The following PLEKHA6 variants were observed in gnomAD, a reference collection of about 807,000 sequenced individuals.
PLEKHA6 encodes pleckstrin homology domain-containing family A member 6.
Under a neutral mutation model 116.7 loss-of-function variants are expected in PLEKHA6, and 60 were observed. That is an observed-to-expected ratio of 0.51 (90% CI 0.42 to 0.64). The LOEUF is 0.64. PLEKHA6 is among the 30% of genes least tolerant of loss of function. The probability of loss-of-function intolerance (pLI) is 0.00; values close to 1 mark genes in which losing one functional copy is unlikely to be tolerated. For synonymous variants in PLEKHA6, 489 were observed against 556.1 expected (o/e 0.88, Z 1.70); for missense variants, 1,338 against 1,422.7 (o/e 0.94, Z 0.96).
intron 14 of PLEKHA6, 24 bp downstream of exon 14, chr1:204,245,591 G>A (rs1358897610): frequency 1.4e-6 from 2 of 1,413,398 alleles, no homozygotes; most frequent in African/African-American, 1.4e-5. Flanking sequence ...GGCAGCCTAG[G>A]AGGCTGGCAC....
Position 204,228,874 on chromosome 1 carries a change from T to G in PLEKHA6, c.2752-13A>C, listed in dbSNP as rs750783583. The G allele has an allele frequency of 4.3e-6, 7 of 1,614,050 alleles. No individual in the cohort carries two copies. The East Asian group carries it at 6.7e-5, about 15-fold the overall frequency. On this transcript the variant is annotated splice_polypyrimidine_tract_variant and intron_variant, in intron 19 of 22. Transcript: ENST00000272203. The surrounding 1 kb of genome is among the most constrained non-coding windows in gnomAD (Gnocchi z 4.0). ...CTGGAGTGGAGAGCTATGGAGGGGC[T>G]GGGGTCACCACCTCTGTCCCTTCCC...
chr1:204,376,491 A>C (rs1283391262), intron 1 of PLEKHA6, among the ~76,000 whole-genome samples: 1 of 152,254 alleles, frequency 6.6e-6, no homozygotes, highest in Non-Finnish European at 1.5e-5. Flanking sequence ...TTACAACATC[A>C]ATTATGATCA....
At chr1:204,355,594 C>A (rs562687877) in intron 1 of PLEKHA6, among the ~76,000 whole-genome samples, 1 of 152,214 alleles carries the variant, frequency 6.6e-6, no homozygotes, top group South Asian at 2.1e-4. Flanking sequence ...AAGCCAGCAC[C>A]ACACTTAGCT....
chr1:204,314,108 C>A (rs1042041631), intron 1 of PLEKHA6, among the ~76,000 whole-genome samples: 1 of 152,156 alleles, frequency 6.6e-6, no homozygotes, highest in Non-Finnish European at 1.5e-5. Context: ...TGTCCTCTTA[C>A]CTGTCTTCCT....
At chr1:204,251,744 C>A (rs780880778) in intron 9 of PLEKHA6, 1 of 605,962 alleles carries the variant, frequency 1.7e-6, no homozygotes, top group African/African-American at 1.8e-5. Context: ...GCCCTCACTC[C>A]TTGCTCACCC....
intron 3 of PLEKHA6, among the ~76,000 whole-genome samples, chr1:204,366,796 T>C (rs1572235240): frequency 2.6e-5 from 4 of 152,152 alleles, no homozygotes; most frequent in Admixed American, 2.0e-4. Flanking sequence ...GCTAAGCTGA[T>C]GTAGGTGGTA....
intron 1 of PLEKHA6, among the ~76,000 whole-genome samples, chr1:204,350,497 C>G (rs554687196): frequency 5.3e-5 from 8 of 152,152 alleles, no homozygotes; most frequent in Admixed American, 5.2e-4. Flanking sequence ...GGGCTGGGCT[C>G]AGAGCAGGGT....
chr1:204,354,657 T>C (rs1673368056), intron 1 of PLEKHA6, among the ~76,000 whole-genome samples: 1 of 152,190 alleles, frequency 6.6e-6, no homozygotes, highest in Admixed American at 6.5e-5. Context: ...CCACAAATCA[T>C]ATGGCTACTA....
At chr1:204,327,995 C>CT (rs751729233) in intron 1 of PLEKHA6, among the ~76,000 whole-genome samples, 5 of 152,102 alleles carry the variant, frequency 3.3e-5, no homozygotes, top group Admixed American at 3.3e-4. Context: ...GCCCTGGCTG[C>CT]TTTCTGATGA....
chr1:204,241,744 A>C lies in PLEKHA6; in HGVS notation c.2243T>G (p.Ile748Ser). The C allele has an allele frequency of 6.2e-7, 1 of 1,613,456 alleles. No homozygotes were observed. Among genetic ancestry groups the C allele is most frequent in the Non-Finnish European group, 8.5e-7 (1 of 1,179,788 alleles). Reference protein sequence around the residue: ...QTLPLDTPRDISLVPTRQEVE... With the variant: ...QTLPLDTPRDSSLVPTRQEVE... ...CTCTTGCCTGGTGGGCACAAGGCTG[A>C]TGTCTCTGGGGGTGTCCAGGGGCAA... The change falls in exon 16 of 23, where the codon ATC becomes AGC. Residue 748 changes from isoleucine (I) to serine (S), a missense_variant. Ile to Ser is a moderately radical substitution (Grantham distance 142, BLOSUM62 -2). Coordinates refer to ENST00000272203, the MANE Select transcript of PLEKHA6 (RefSeq NM_014935.5).
At chr1:204,296,664 G>A (rs1298534426) in intron 1 of PLEKHA6, among the ~76,000 whole-genome samples, 5 of 152,202 alleles carry the variant, frequency 3.3e-5, no homozygotes, top group Admixed American at 6.5e-5. Context: ...GACGTGCTCT[G>A]TGTTACAGAA....
At chr1:204,270,518 C>A (rs892437781) in intron 3 of PLEKHA6, among the ~76,000 whole-genome samples, 1 of 152,160 alleles carries the variant, frequency 6.6e-6, no homozygotes, top group African/African-American at 2.4e-5. Flanking sequence ...CCACCCACCC[C>A]AGAACTCCAC....
At chr1:204,273,837 G>T (rs1452280916) in intron 2 of PLEKHA6, 97 bp from the exon 3 acceptor site, 3 of 810,294 alleles carry the variant, frequency 3.7e-6, no homozygotes, top group East Asian at 5.3e-5. Flanking sequence ...CACTGTTTCA[G>T]CATCAGCACA....
At position 204,359,646 on chromosome 1, in the gene PLEKHA6, GC is replaced by G. The variant is rs533085456; in HGVS notation, c.-95+47del. The G allele has an allele frequency of 4.8e-5, 47 of 985,198 alleles. 2 individuals are homozygous for G. In the South Asian group the frequency reaches 1.8e-3, roughly 37 times the overall value. 61.0% of individuals were successfully genotyped at this position (985,198 alleles called of 1,614,324 possible). A position where few individuals can be genotyped will look rare whatever the true frequency, so the allele number is the denominator to read the frequency against. On this transcript the variant is annotated intron_variant, in intron 1 of 22. Coordinates refer to ENST00000272203, the MANE Select transcript of PLEKHA6 (RefSeq NM_014935.5). ...AGCTGCCAGCCCTGACCAGAGCCCA[GC>G]CTTCCTCCTCCCACCTCATCTATGT...
At chr1:204,349,277 G>A (rs889895983) in intron 1 of PLEKHA6, among the ~76,000 whole-genome samples, 4 of 152,146 alleles carry the variant, frequency 2.6e-5, no homozygotes, top group Admixed American at 1.3e-4. Context: ...GGTGGCTCAC[G>A]CCTATAATCC....
chr1:204,225,545 A>AT (rs1660227044), intron 21 of PLEKHA6, among the ~76,000 whole-genome samples: 1 of 152,228 alleles, frequency 6.6e-6, no homozygotes, highest in South Asian at 2.1e-4. Flanking sequence ...GTATTGCAAT[A>AT]TATACACTGT....
intron 1 of PLEKHA6, among the ~76,000 whole-genome samples, chr1:204,356,000 C>CACACAA (rs1013336939): frequency 4.2e-5 from 2 of 47,674 alleles, no homozygotes; most frequent in African/African-American, 8.1e-5. Context: ...CACACACACA[C>CACACAA]AAAAAAAATC....
intron 3 of PLEKHA6, among the ~76,000 whole-genome samples, chr1:204,268,573 A>G (rs1667096404): frequency 8.0e-6 from 1 of 125,724 alleles, no homozygotes; most frequent in Non-Finnish European, 1.6e-5. Flanking sequence ...TCCCTGTCTC[A>G]CAGCCTTTTT....
At chr1:204,366,149 T>C (rs949030549) in intron 3 of PLEKHA6, among the ~76,000 whole-genome samples, 1 of 152,178 alleles carries the variant, frequency 6.6e-6, no homozygotes, top group African/African-American at 2.4e-5. Context: ...GTAATACATG[T>C]GAAAGTGTTT....
Sources: allele counts gnomAD v4.1 joint callset (sites outside exome capture counted in the v4.1 genomes callset), GRCh38; gene constraint gnomAD v4.1.1; non-coding constraint Gnocchi (gnomAD v3.1); transcripts MANE v1.5; gene names NCBI Gene and HGNC (gene_info 2026-07-23, HGNC 2026-07-21).